AFDN: variants seen among roughly 807,000 people sequenced by gnomAD.
AFDN encodes the protein afadin.
In AFDN, 68 loss-of-function variants were observed where a neutral mutation model predicts 216.6. That is an observed-to-expected ratio of 0.31 (90% CI 0.26 to 0.38). The LOEUF is 0.38. AFDN is among the 10% of genes least tolerant of loss of function. The pLI is 1.00. For missense variants in AFDN, 2,136 were observed against 2,342.0 expected, an observed-to-expected ratio of 0.91 and a Z score of 1.82; for synonymous variants, 868 against 853.7, an observed-to-expected ratio of 1.02 and a Z score of -0.29.
chr6:167,919,739 T>C (rs1791543641), intron 21 of AFDN, among the ~76,000 whole-genome samples: 1 of 152,270 alleles, frequency 6.6e-6, no homozygotes, highest in African/African-American at 2.4e-5. Flanking sequence ...TTATTTCTGA[T>C]GTATGAGGTT....
intron 5 of AFDN, among the ~76,000 whole-genome samples, chr6:167,876,540 C>T (rs1010380820): frequency 2.6e-5 from 4 of 152,140 alleles, no homozygotes; most frequent in Middle Eastern, 6.3e-3. Flanking sequence ...GTGCTAACCA[C>T]GTACCAGACC....
At chr6:167,956,079 C>T (rs1796472115) in intron 30 of AFDN, among the ~76,000 whole-genome samples, 2 of 137,338 alleles carry the variant, frequency 1.5e-5, no homozygotes, top group South Asian at 4.7e-4. Context: ...TGCACCACTG[C>T]ACTCCAGCCT....
chr6:167,913,885 ATTTG>A, intron 16 of AFDN: 1 of 470,658 alleles, frequency 2.1e-6, no homozygotes, highest in East Asian at 3.7e-5. Context: ...GTGTTATATT[ATTTG>A]ATATCTCCAT....
In AFDN at chr6:167,922,078, A is replaced by T. The variant is rs115583992; in HGVS notation, c.2909-778A>T. On this transcript the variant is annotated intron_variant, in intron 21 of 33. Coordinates refer to ENST00000683244, the MANE Select transcript of AFDN (RefSeq NM_001386888.1). Reference sequence around the variant, plus strand: ...CGCTCTTGATGAATGTTAGGTGCTGATAGTGGGAAGAAGATGGCAGTAGAG... The same window carrying T: ...CGCTCTTGATGAATGTTAGGTGCTGTTAGTGGGAAGAAGATGGCAGTAGAG... Among the ~76,000 whole-genome samples, 658 of 152,338 alleles carry T rather than the reference A, an allele frequency of 4.3e-3. 8 individuals are homozygous for T. The highest frequency in any genetic ancestry group is 0.015 in the African/African-American group (621 of 41,582).
chr6:167,920,954 G>A (rs1791714070), intron 21 of AFDN, among the ~76,000 whole-genome samples: 3 of 152,096 alleles, frequency 2.0e-5, no homozygotes, highest in South Asian at 4.1e-4. Context: ...TTTTGCACTG[G>A]TCACATTGTG....
intron 11 of AFDN, among the ~76,000 whole-genome samples, chr6:167,901,957 G>A (rs1234819987): frequency 6.6e-6 from 1 of 151,940 alleles, no homozygotes; most frequent in Non-Finnish European, 1.5e-5. Context: ...GCCGGGCATG[G>A]TGGCCCTTGT....
intron 30 of AFDN, among the ~76,000 whole-genome samples, chr6:167,956,027 C>T (rs1203580935): frequency 6.9e-6 from 1 of 144,610 alleles, no homozygotes; most frequent in African/African-American, 2.6e-5. Context: ...AGGCATGACA[C>T]TTGCTCGAAC....
intron 1 of AFDN, among the ~76,000 whole-genome samples, chr6:167,861,357 A>G (rs1783545833): frequency 6.6e-6 from 1 of 152,216 alleles, no homozygotes; most frequent in Non-Finnish European, 1.5e-5. Context: ...TAGTTTTCAT[A>G]GGCTTTATTT....
intron 1 of AFDN, among the ~76,000 whole-genome samples, chr6:167,841,549 C>T (rs1253069792): frequency 2.0e-5 from 3 of 152,084 alleles, no homozygotes; most frequent in Non-Finnish European, 4.4e-5. Context: ...TAGAAAGTGT[C>T]ACCTACTAAA....
At chr6:167,876,911 G>A (rs889174405) in intron 5 of AFDN, among the ~76,000 whole-genome samples, 10 of 152,160 alleles carry the variant, frequency 6.6e-5, no homozygotes, top group African/African-American at 2.4e-4. Flanking sequence ...CTGTTGAAGA[G>A]TTTTAAGCTA....
intron 23 of AFDN, chr6:167,932,642 G>A (rs1793456790): frequency 6.6e-6 from 1 of 152,224 alleles, no homozygotes; most frequent in Non-Finnish European, 1.5e-5. Context: ...TGAAAAACCA[G>A]CTGTCTTGGT....
At chr6:167,952,271 CT>C (rs1796081087) in intron 30 of AFDN, 84 bp downstream of exon 30, 1 of 1,603,020 alleles carries the variant, frequency 6.2e-7, no homozygotes, top group Non-Finnish European at 8.5e-7. Context: ...AGCTAGGCCC[CT>C]GATCGTGATA....
chr6:167,921,414 C>G (rs1420723765), intron 21 of AFDN, among the ~76,000 whole-genome samples: 1 of 152,216 alleles, frequency 6.6e-6, no homozygotes, highest in Non-Finnish European at 1.5e-5. Flanking sequence ...CTTTAGAAGA[C>G]TTACAAAGAA....
intron 9 of AFDN, 63 bp from the exon 10 acceptor site, chr6:167,896,815 G>A: frequency 1.0e-6 from 1 of 974,766 alleles, no homozygotes; most frequent in East Asian, 2.5e-5. Flanking sequence ...TTTGTTTGTT[G>A]GAAATAACAT....
intron 27 of AFDN, among the ~76,000 whole-genome samples, chr6:167,947,397 T>G (rs1207365938): frequency 6.6e-6 from 1 of 152,148 alleles, no homozygotes. Flanking sequence ...GCCAGGATGG[T>G]CTCGATCTCC....
intron 21 of AFDN, among the ~76,000 whole-genome samples, chr6:167,920,736 A>G (rs1312169037): frequency 6.6e-6 from 1 of 152,182 alleles, no homozygotes; most frequent in Non-Finnish European, 1.5e-5. Flanking sequence ...TGTCATTCAT[A>G]TTGAACTGTA....
chr6:167,899,207 A>G (rs1181820807), intron 11 of AFDN, among the ~76,000 whole-genome samples: 3 of 152,034 alleles, frequency 2.0e-5, no homozygotes, highest in African/African-American at 4.8e-5. Flanking sequence ...ACATATGACT[A>G]TTTAGAATTA....
intron 15 of AFDN, among the ~76,000 whole-genome samples, chr6:167,912,989 A>G (rs534711611): frequency 2.6e-5 from 4 of 152,086 alleles, no homozygotes; most frequent in East Asian, 3.9e-4. Context: ...TTCCATTCCT[A>G]TTAATTAATC....
intron 5 of AFDN, among the ~76,000 whole-genome samples, chr6:167,878,093 A>G (rs1785615625): frequency 6.6e-6 from 1 of 152,072 alleles, no homozygotes; most frequent in South Asian, 2.1e-4. Flanking sequence ...TCACTGATAA[A>G]TTAACAGAAT....
Sources: allele counts gnomAD v4.1 joint callset (sites outside exome capture counted in the v4.1 genomes callset), GRCh38; gene constraint gnomAD v4.1.1; transcripts MANE v1.5; gene names NCBI Gene and HGNC (gene_info 2026-07-23, HGNC 2026-07-21).